The following PARD3B variants were observed in gnomAD, a reference collection of about 807,000 sequenced individuals.
The protein encoded by PARD3B is par-3 family cell polarity regulator beta.
A neutral mutation model predicts 130.2 loss-of-function variants in PARD3B; 103 were observed. The ratio of observed to expected loss-of-function variants is 0.79; its 90% confidence interval spans 0.67 to 0.93. PARD3B has a LOEUF of 0.93. Among genes scored for constraint, PARD3B ranks in the 40% least tolerant of loss-of-function variants. The pLI is 0.00. For synonymous variants in PARD3B, 583 were observed against 553.2 expected, an observed-to-expected ratio of 1.05 and a Z score of -0.76; for missense variants, 1,609 against 1,499.2, an observed-to-expected ratio of 1.07 and a Z score of -1.21.
At chr2:204,690,286 C>T (rs1559062490) in intron 2 of PARD3B, among the ~76,000 whole-genome samples, 1 of 152,150 alleles carries the variant, frequency 6.6e-6, no homozygotes, top group African/African-American at 2.4e-5. Context: ...ATAGACTGTG[C>T]TGTTTTCAGT....
At chr2:205,036,213 TA>T in intron 3 of PARD3B, among the ~76,000 whole-genome samples, 1 of 145,668 alleles carries the variant, frequency 6.9e-6, no homozygotes, top group African/African-American at 2.5e-5. Context: ...ACTATATATA[TA>T]AAATATGTAT....
rs1186121790 is a variant in PARD3B at position 205,229,523 on chromosome 2, T to G, written c.2141-16255T>G. Among the ~76,000 whole-genome samples the G allele has an allele frequency of 6.6e-6, 1 of 152,182 alleles. No individual in the cohort carries two copies. Among genetic ancestry groups the G allele is most frequent in the East Asian group, 1.9e-4 (1 of 5,176 alleles). On this transcript the variant is annotated intron_variant, in intron 15 of 22. Transcript: ENST00000406610. This position sits in a 1 kb window ranked among gnomAD's most constrained non-coding sequence, Gnocchi z 5.2. ...CCCAAACACATAAAGCCTCTCTCTG[T>G]GTGCTGAGCCACCTAGAACCGGTGT...
rs202216372 is a variant in PARD3B at position 205,119,899 on chromosome 2, AT to A, written c.806+860del. Among the ~76,000 whole-genome samples the A allele has an allele frequency of 3.7e-3, 567 of 152,204 alleles. 13 individuals carry two copies. Among genetic ancestry groups the A allele is most frequent in the East Asian group, 0.034 (173 of 5,164 alleles). On this transcript the variant is annotated intron_variant, in intron 7 of 22. Coordinates refer to ENST00000406610, the MANE Select transcript of PARD3B (RefSeq NM_001302769.2). ...TAGAGTGTATAGTAATCTGATGCAT[AT>A]TTTTTTAATGTGTGTTGGCATTGCA...
intron 18 of PARD3B, among the ~76,000 whole-genome samples, chr2:205,350,784 AT>A (rs1208764386): frequency 6.6e-6 from 1 of 152,144 alleles, no homozygotes; most frequent in Non-Finnish European, 1.5e-5. Flanking sequence ...TTCCGATGCT[AT>A]TTTTAATATT....
chr2:204,902,895 C>T (rs922412807), intron 2 of PARD3B, among the ~76,000 whole-genome samples: 1 of 152,088 alleles, frequency 6.6e-6, no homozygotes, highest in African/African-American at 2.4e-5. Context: ...TTTATGGGTA[C>T]GACTGGTCAG....
At chr2:205,381,445 G>A (rs956361797) in intron 18 of PARD3B, among the ~76,000 whole-genome samples, 37 of 151,358 alleles carry the variant, frequency 2.4e-4, no homozygotes, top group Non-Finnish European at 2.2e-4. Context: ...TCAAAAGGCT[G>A]TGTTCAAAGT....
intron 21 of PARD3B, among the ~76,000 whole-genome samples, chr2:205,529,459 G>T (rs1009930678): frequency 1.3e-5 from 2 of 152,040 alleles, no homozygotes; most frequent in African/African-American, 4.8e-5. Context: ...TGTACTCTGT[G>T]TTCTTCTGTA....
intron 2 of PARD3B, among the ~76,000 whole-genome samples, chr2:204,694,986 G>A (rs1574727758): frequency 6.6e-6 from 1 of 151,996 alleles, no homozygotes; most frequent in African/African-American, 2.4e-5. Context: ...ACAGTGAAGA[G>A]TAAACCATAA....
chr2:205,388,716 A>C (rs570439256), intron 18 of PARD3B, among the ~76,000 whole-genome samples: 1 of 152,268 alleles, frequency 6.6e-6, no homozygotes, highest in East Asian at 1.9e-4. Flanking sequence ...TATGAAAAAA[A>C]AACTTGTCTT....
intron 2 of PARD3B, among the ~76,000 whole-genome samples, chr2:204,718,417 A>G (rs951425478): frequency 5.3e-5 from 8 of 152,178 alleles, no homozygotes; most frequent in African/African-American, 1.7e-4. Flanking sequence ...TACCTTCTTC[A>G]CAAGGTGGCA....
Position 205,341,741 on chromosome 2 carries a change from C to T in PARD3B, c.2630+40040C>T, listed in dbSNP as rs770828948. Among the ~76,000 whole-genome samples, 9 of 151,894 alleles carry T rather than the reference C, an allele frequency of 5.9e-5. No homozygotes were observed. The highest frequency in any genetic ancestry group is 2.1e-4 in the South Asian group (1 of 4,822). On this transcript the variant is annotated intron_variant, in intron 18 of 22. Coordinates refer to ENST00000406610, the MANE Select transcript of PARD3B (RefSeq NM_001302769.2). The surrounding 1 kb of genome is among the most constrained non-coding windows in gnomAD (Gnocchi z 4.3). The stretch of plus-strand genomic sequence containing the variant: ...GAGAGGATTTTGAATGTTCCCAACA[C>T]GAAGAAATGATGCATGTTTGAAATG...
intron 1 of PARD3B, among the ~76,000 whole-genome samples, chr2:204,573,984 G>A (rs1438251078): frequency 6.6e-6 from 1 of 152,138 alleles, no homozygotes; most frequent in Admixed American, 6.5e-5. Flanking sequence ...CAAGAGGTTG[G>A]CCAGCTAGGT....
intron 2 of PARD3B, among the ~76,000 whole-genome samples, chr2:204,948,596 C>CA (rs913090246): frequency 2.0e-5 from 3 of 152,032 alleles, no homozygotes; most frequent in Admixed American, 6.6e-5. Context: ...AGCATTAAAA[C>CA]AAAAAAAGGA....
chr2:205,012,377 A>G (rs549371465), intron 3 of PARD3B, among the ~76,000 whole-genome samples: 3 of 152,290 alleles, frequency 2.0e-5, no homozygotes, highest in East Asian at 3.9e-4. Context: ...ATCCTGATAG[A>G]TAGTATTTCC....
At chr2:204,616,390 G>A (rs1375431209) in intron 1 of PARD3B, among the ~76,000 whole-genome samples, 1 of 152,150 alleles carries the variant, frequency 6.6e-6, no homozygotes, top group Non-Finnish European at 1.5e-5. Context: ...TATGTCATCA[G>A]GGAAATGCAA....
chr2:205,215,568 A>G (rs533641735), intron 15 of PARD3B, among the ~76,000 whole-genome samples: 7 of 152,282 alleles, frequency 4.6e-5, no homozygotes, highest in African/African-American at 1.7e-4. Flanking sequence ...GGACATAAAT[A>G]TGAAATATAT....
chr2:204,883,843 AT>A (rs756949460), intron 2 of PARD3B, among the ~76,000 whole-genome samples: 17 of 151,568 alleles, frequency 1.1e-4, no homozygotes, highest in Non-Finnish European at 2.2e-4. Flanking sequence ...GGTTCAAGCA[AT>A]TCTCTGCCTC....
chr2:204,807,913 A>G (rs1337890510), intron 2 of PARD3B, among the ~76,000 whole-genome samples: 1 of 152,046 alleles, frequency 6.6e-6, no homozygotes, highest in African/African-American at 2.4e-5. Flanking sequence ...CACGATAACT[A>G]CAGTCAACCA....
At chr2:205,354,306 GA>G (rs1488724904) in intron 18 of PARD3B, among the ~76,000 whole-genome samples, 2 of 151,934 alleles carry the variant, frequency 1.3e-5, no homozygotes, top group African/African-American at 2.4e-5. Context: ...AGGGAACCAA[GA>G]AATGGAGCAG....
Sources: allele counts gnomAD v4.1 joint callset (sites outside exome capture counted in the v4.1 genomes callset), GRCh38; gene constraint gnomAD v4.1.1; non-coding constraint Gnocchi (gnomAD v3.1); transcripts MANE v1.5; gene names NCBI Gene and HGNC (gene_info 2026-07-23, HGNC 2026-07-21).